RYR2: variants seen among roughly 807,000 people sequenced by gnomAD.
The protein encoded by RYR2 is ryanodine receptor 2, also known as cardiac muscle ryanodine receptor-calcium release channel.
A neutral mutation model predicts 601.1 loss-of-function variants in RYR2; 227 were observed. The ratio of observed to expected loss-of-function variants is 0.38; its 90% confidence interval spans 0.34 to 0.42. RYR2 has a LOEUF of 0.42. Ranked by LOEUF, RYR2 falls within the 10% of genes least tolerant of loss-of-function variation. The pLI is 1.00. For synonymous variants in RYR2, 2,223 were observed against 2,175.1 expected (o/e 1.02, Z -0.61); for missense variants, 4,646 against 6,156.5 (o/e 0.75, Z 8.21).
At chr1:237,181,905 A>G (rs935012163) in intron 1 of RYR2, among the ~76,000 whole-genome samples, 2 of 152,174 alleles carry the variant, frequency 1.3e-5, no homozygotes, top group Non-Finnish European at 1.5e-5. Context: ...TAGCGTCACA[A>G]TCTGGCCATC....
chr1:237,345,262 C>A (rs9428376), intron 3 of RYR2, among the ~76,000 whole-genome samples: 22,272 of 151,874 alleles, frequency 0.15, 1,785 homozygotes, highest in East Asian at 0.33. Context: ...TTGGGATGCA[C>A]TGACTTGTTA....
chr1:237,778,340 G>T (rs2149333930), intron 87 of RYR2, among the ~76,000 whole-genome samples: 1 of 150,210 alleles, frequency 6.7e-6, no homozygotes, highest in Non-Finnish European at 1.5e-5. Context: ...TGACTAAATA[G>T]CCAAAGCACC....
intron 16 of RYR2, among the ~76,000 whole-genome samples, chr1:237,461,518 G>A (rs959962195): frequency 1.3e-5 from 2 of 152,046 alleles, no homozygotes; most frequent in African/African-American, 4.8e-5. Flanking sequence ...TCTTGGTCCG[G>A]TCTGTCCCTT....
chr1:237,543,738 T>C (rs1179264718), intron 25 of RYR2, among the ~76,000 whole-genome samples: 1 of 152,246 alleles, frequency 6.6e-6, no homozygotes, highest in African/African-American at 2.4e-5. Flanking sequence ...TGGTGCTTAC[T>C]GTTTTTGGTA....
At chr1:237,368,798 C>CATTT (rs1700401824) in intron 5 of RYR2, among the ~76,000 whole-genome samples, 1 of 137,764 alleles carries the variant, frequency 7.3e-6, no homozygotes, top group African/African-American at 2.7e-5. Flanking sequence ...GTTGAATCAA[C>CATTT]GTTTATTTAT....
chr1:237,088,514 GT>G (rs1666608888), intron 1 of RYR2, among the ~76,000 whole-genome samples: 1 of 152,158 alleles, frequency 6.6e-6, no homozygotes, highest in Admixed American at 6.5e-5. Context: ...TCAAACTCCT[GT>G]GCCCTATGAG....
intron 10 of RYR2, among the ~76,000 whole-genome samples, chr1:237,395,674 G>A (rs905715419): frequency 1.3e-5 from 2 of 151,080 alleles, no homozygotes; most frequent in Non-Finnish European, 2.9e-5. Context: ...ATCCTCCCAA[G>A]TAGCTGGGAC....
intron 1 of RYR2, among the ~76,000 whole-genome samples, chr1:237,218,429 C>G (rs1048258609): frequency 8.5e-5 from 13 of 152,256 alleles, no homozygotes; most frequent in South Asian, 2.1e-4. Context: ...CTGACTTTAG[C>G]TTCTCAAAAT....
At chr1:237,115,694 G>T (rs1229825983) in intron 1 of RYR2, among the ~76,000 whole-genome samples, 1 of 152,136 alleles carries the variant, frequency 6.6e-6, no homozygotes, top group Non-Finnish European at 1.5e-5. Flanking sequence ...ACGCGTGAAG[G>T]TATCCGTGCC....
At chr1:237,711,492 T>A (rs1688837586) in intron 70 of RYR2, among the ~76,000 whole-genome samples, 1 of 152,212 alleles carries the variant, frequency 6.6e-6, no homozygotes, top group South Asian at 2.1e-4. Context: ...AAACATGTGA[T>A]CTTGCAATGA....
At chr1:237,652,365 T>A (rs1419786322) in intron 51 of RYR2, among the ~76,000 whole-genome samples, 1 of 152,188 alleles carries the variant, frequency 6.6e-6, no homozygotes, top group Non-Finnish European at 1.5e-5. Flanking sequence ...TTTAATATCA[T>A]AATCTAGACT....
At chr1:237,538,703 G>A (rs952123971) in intron 25 of RYR2, among the ~76,000 whole-genome samples, 7 of 151,746 alleles carry the variant, frequency 4.6e-5, no homozygotes, top group South Asian at 2.1e-4. Context: ...CCTGAGAGGC[G>A]GAGGTTGCTG....
At chr1:237,210,824 G>A (rs1682490467) in intron 1 of RYR2, among the ~76,000 whole-genome samples, 1 of 152,146 alleles carries the variant, frequency 6.6e-6, no homozygotes, top group Non-Finnish European at 1.5e-5. Flanking sequence ...GGACCATCCA[G>A]GCCAAAGTTC....
intron 1 of RYR2, among the ~76,000 whole-genome samples, chr1:237,252,615 A>G (rs994701207): frequency 6.6e-6 from 1 of 152,240 alleles, no homozygotes; most frequent in African/African-American, 2.4e-5. Flanking sequence ...AATTTTTACA[A>G]AAATAGAAAT....
intron 34 of RYR2, among the ~76,000 whole-genome samples, chr1:237,600,886 C>A (rs1423848726): frequency 2.0e-5 from 3 of 152,090 alleles, no homozygotes; most frequent in Non-Finnish European, 4.4e-5. Context: ...ATCAAAACCA[C>A]AATATTACCT....
rs1366481570 is a variant in RYR2 at position 237,756,393 on chromosome 1, G to A, written c.11245+6G>A. 3.8e-6 allele frequency: 6 copies of A among 1,580,454 alleles called. No individual in the cohort carries two copies. The African/African-American group carries it at 6.8e-5, about 18-fold the overall frequency. ...GACAATCAGTGCCAGCAAAGGTAAG[G>A]TTCCTTGAGTTCCCCTCACGAGTGT... On this transcript the variant is annotated splice_donor_region_variant and intron_variant, in intron 81 of 104. Coordinates refer to ENST00000366574, the MANE Select transcript of RYR2 (RefSeq NM_001035.3).
At chr1:237,760,883 A>T (rs368960125) in intron 83 of RYR2, 72 bp from the exon 84 acceptor site, 5 of 899,798 alleles carry the variant, frequency 5.6e-6, no homozygotes. Flanking sequence ...TGGTGTTTAG[A>T]TGTTTGCTCT....
At chr1:237,725,435 CAGT>C (rs770532948) in intron 74 of RYR2, among the ~76,000 whole-genome samples, 14 of 151,982 alleles carry the variant, frequency 9.2e-5, no homozygotes, top group Admixed American at 7.9e-4. Flanking sequence ...GTGTAAAAAA[CAGT>C]AGGTGGACAG....
At chr1:237,236,840 T>C (rs1438003594) in intron 1 of RYR2, among the ~76,000 whole-genome samples, 3 of 152,162 alleles carry the variant, frequency 2.0e-5, no homozygotes, top group Non-Finnish European at 4.4e-5. Context: ...TCCTAAAAGG[T>C]GGGAGGGAAA....
Sources: gnomAD v4.1 joint callset for allele counts (sites outside exome capture counted in the v4.1 genomes callset) on GRCh38, gnomAD v4.1.1 for gene constraint, MANE v1.5 for transcripts, NCBI Gene and HGNC (gene_info 2026-07-23, HGNC 2026-07-21) for gene names.